Variants in PTK2 observed in about 807,000 individuals in gnomAD.
The protein encoded by PTK2 is focal adhesion kinase 1.
A neutral mutation model predicts 150.1 loss-of-function variants in PTK2; 45 were observed. The observed-to-expected ratio is 0.30, with a 90% CI of 0.24 to 0.38. The LOEUF is 0.38. Among genes scored for constraint, PTK2 ranks in the 10% least tolerant of loss-of-function variants. PTK2 has a pLI of 1.00. For missense variants in PTK2, 919 were observed against 1,307.3 expected (o/e 0.70, Z 4.58); for synonymous variants, 432 against 449.2 (o/e 0.96, Z 0.48).
intron 31 of PTK2, among the ~76,000 whole-genome samples, chr8:140,661,450 G>A (rs1483659228): frequency 6.6e-6 from 1 of 152,186 alleles, no homozygotes; most frequent in East Asian, 1.9e-4. Context: ...AGTGCATGGT[G>A]TTGTCACTGA....
At chr8:140,953,546 G>A (rs541942462) in intron 1 of PTK2, among the ~76,000 whole-genome samples, 4 of 152,176 alleles carry the variant, frequency 2.6e-5, no homozygotes, top group Admixed American at 1.3e-4. Context: ...GGGATAGGGC[G>A]GGACAGATCA....
intron 2 of PTK2, among the ~76,000 whole-genome samples, chr8:140,913,032 C>G (rs1199712259): frequency 6.6e-6 from 1 of 152,090 alleles, no homozygotes; most frequent in African/African-American, 2.4e-5. Context: ...CATGTTCTCC[C>G]TAAGGGGGAA....
intron 1 of PTK2, among the ~76,000 whole-genome samples, chr8:140,970,039 AG>A (rs1302603911): frequency 6.6e-6 from 1 of 152,256 alleles, no homozygotes; most frequent in African/African-American, 2.4e-5. Flanking sequence ...TCTGAAACTA[AG>A]ACCTAGATAG....
chr8:140,786,665 A>G (rs562210138), intron 14 of PTK2, among the ~76,000 whole-genome samples: 1 of 151,954 alleles, frequency 6.6e-6, no homozygotes, highest in Non-Finnish European at 1.5e-5. Context: ...AATATACCAC[A>G]CTTGTTTCTC....
chr8:140,879,676 GAAAAAAAAAAAA>G, intron 3 of PTK2, 39 bp from the exon 4 acceptor site: 6 of 33,816 alleles, frequency 1.8e-4, no homozygotes, highest in Non-Finnish European at 2.2e-4. Flanking sequence ...GTTATAAACT[GAAAAAAAAAAAA>G]AAAAAAAAAA....
At chr8:140,692,020 T>C (rs1180945841) in intron 26 of PTK2, among the ~76,000 whole-genome samples, 5 of 152,206 alleles carry the variant, frequency 3.3e-5, no homozygotes, top group Non-Finnish European at 7.3e-5. Flanking sequence ...CAACTCATAT[T>C]TTTGCCTATA....
intron 1 of PTK2, among the ~76,000 whole-genome samples, chr8:140,977,652 G>A (rs530428766): frequency 6.6e-6 from 1 of 151,304 alleles, no homozygotes; most frequent in South Asian, 2.1e-4. Flanking sequence ...AGCTGTGATC[G>A]TCCAACTGGA....
At chr8:140,755,310 A>T (rs1485600390) in intron 16 of PTK2, among the ~76,000 whole-genome samples, 1 of 152,240 alleles carries the variant, frequency 6.6e-6, no homozygotes, top group Non-Finnish European at 1.5e-5. Flanking sequence ...GACTCTCAGA[A>T]TGAAGGTCAA....
intron 27 of PTK2, among the ~76,000 whole-genome samples, chr8:140,686,240 G>A (rs187227253): frequency 6.6e-6 from 1 of 152,124 alleles, no homozygotes; most frequent in African/African-American, 2.4e-5. Context: ...GCCCACTTGA[G>A]GGTGGAGGGT....
intron 22 of PTK2, among the ~76,000 whole-genome samples, chr8:140,731,152 G>A (rs1426872185): frequency 2.0e-5 from 3 of 152,036 alleles, no homozygotes; most frequent in African/African-American, 7.2e-5. Context: ...TAGAGACGGG[G>A]TTTCACCATG....
chr8:140,940,173 T>C (rs1275779473), intron 1 of PTK2, among the ~76,000 whole-genome samples: 1 of 152,182 alleles, frequency 6.6e-6, no homozygotes, highest in Non-Finnish European at 1.5e-5. Context: ...CTTGAAGAAC[T>C]TGGGATTAAC....
At chr8:140,908,818 A>G (rs1019258285) in intron 2 of PTK2, among the ~76,000 whole-genome samples, 1 of 152,244 alleles carries the variant, frequency 6.6e-6, no homozygotes, top group Non-Finnish European at 1.5e-5. Flanking sequence ...GGATTCCAGA[A>G]GCCAAGGAGA....
At chr8:140,994,991 G>C (rs1432513691) in intron 1 of PTK2, among the ~76,000 whole-genome samples, 2 of 151,538 alleles carry the variant, frequency 1.3e-5, no homozygotes, top group Non-Finnish European at 2.9e-5. Context: ...GGTTGAGTCA[G>C]GAGAATCGCC....
intron 10 of PTK2, among the ~76,000 whole-genome samples, chr8:140,813,943 T>G (rs2100103127): frequency 6.6e-6 from 1 of 151,574 alleles, no homozygotes. Flanking sequence ...AAGACCTAAG[T>G]AAACACAACT....
At chr8:140,738,370 T>C (rs903913152) in intron 21 of PTK2, among the ~76,000 whole-genome samples, 4 of 151,930 alleles carry the variant, frequency 2.6e-5, no homozygotes, top group Admixed American at 1.3e-4. Context: ...TAGTGAGTAA[T>C]TTAAAAATTT....
At chr8:140,668,575 G>T in intron 29 of PTK2, 151 bp from the exon 34 acceptor site, 1 of 836,638 alleles carries the variant, frequency 1.2e-6, no homozygotes, top group Non-Finnish European at 1.8e-6. Flanking sequence ...TTCAGATTGA[G>T]AATGACAGTA....
At chr8:140,793,483 T>C (rs576744045) in intron 12 of PTK2, 99 bp from the exon 13 acceptor site, 7 of 1,281,954 alleles carry the variant, frequency 5.5e-6, no homozygotes, top group African/African-American at 3.0e-5. Flanking sequence ...TATACTGGTA[T>C]TCCAGCAATG....
intron 10 of PTK2, among the ~76,000 whole-genome samples, chr8:140,807,750 A>C (rs1273473129): frequency 1.3e-5 from 2 of 152,232 alleles, no homozygotes; most frequent in Non-Finnish European, 2.9e-5. Flanking sequence ...GGATCAAATA[A>C]AATATATTAA....
chr8:140,944,877 A>G (rs73714793), intron 1 of PTK2, among the ~76,000 whole-genome samples: 4,367 of 152,308 alleles, frequency 0.029, 208 homozygotes, highest in African/African-American at 0.098. Flanking sequence ...CAAACTGAGC[A>G]ATGCTTCTTT....
Sources: gnomAD v4.1 joint callset for allele counts (sites outside exome capture counted in the v4.1 genomes callset) on GRCh38, gnomAD v4.1.1 for gene constraint, MANE v1.5 for transcripts, NCBI Gene and HGNC (gene_info 2026-07-23, HGNC 2026-07-21) for gene names.